Variants in KIAA0825 observed in about 807,000 individuals in gnomAD.
KIAA0825 encodes the protein KIAA0825, also known as uncharacterized protein KIAA0825.
In KIAA0825, 119 loss-of-function variants were observed where a neutral mutation model predicts 147.6. The observed-to-expected ratio is 0.81, with a 90% CI of 0.69 to 0.94. KIAA0825 has a LOEUF of 0.94. Among genes scored for constraint, KIAA0825 ranks in the 40% least tolerant of loss-of-function variants. The pLI is 0.00. For synonymous variants in KIAA0825, 470 were observed against 518.1 expected, an observed-to-expected ratio of 0.91 and a Z score of 1.26; for missense variants, 1,381 against 1,472.7, an observed-to-expected ratio of 0.94 and a Z score of 1.02.
chr5:94,244,179 C>T (rs544416178), intron 20 of KIAA0825, among the ~76,000 whole-genome samples: 51 of 152,248 alleles, frequency 3.3e-4, no homozygotes, highest in African/African-American at 1.1e-3. Flanking sequence ...GTTTGTGCAC[C>T]GGGAAGAATT....
At chr5:94,330,228 A>G (rs1781130574) in intron 20 of KIAA0825, among the ~76,000 whole-genome samples, 1 of 152,194 alleles carries the variant, frequency 6.6e-6, no homozygotes, top group Non-Finnish European at 1.5e-5. Context: ...ATATTAACCA[A>G]CATGACCTAA....
chr5:94,234,105 G>A (rs904688478), intron 20 of KIAA0825, among the ~76,000 whole-genome samples: 1 of 152,080 alleles, frequency 6.6e-6, no homozygotes, highest in Admixed American at 6.5e-5. Flanking sequence ...GGTGGCTCAC[G>A]CCTGTAATCC....
intron 1 of KIAA0825, among the ~76,000 whole-genome samples, chr5:94,606,537 G>C (rs907335939): frequency 1.3e-5 from 2 of 152,108 alleles, no homozygotes; most frequent in African/African-American, 4.8e-5. Flanking sequence ...AAAACAACTT[G>C]GTATTGGTAC....
intron 5 of KIAA0825, among the ~76,000 whole-genome samples, chr5:94,506,433 G>T (rs73145044): frequency 0.11 from 16,152 of 152,144 alleles, 2,865 homozygotes; most frequent in African/African-American, 0.37. Context: ...ATATGTAACA[G>T]GAGATGACAA....
chr5:94,515,270 G>A (rs909981015), intron 5 of KIAA0825, among the ~76,000 whole-genome samples: 1 of 152,170 alleles, frequency 6.6e-6, no homozygotes. Context: ...TATAAATATA[G>A]TAAAATGTTA....
chr5:94,483,306 G>A (rs1388909918), intron 6 of KIAA0825, among the ~76,000 whole-genome samples: 3 of 151,980 alleles, frequency 2.0e-5, no homozygotes, highest in African/African-American at 7.2e-5. Context: ...ATGGGTAGAA[G>A]CCTAGATGTT....
intron 20 of KIAA0825, among the ~76,000 whole-genome samples, chr5:94,201,058 T>C (rs1771635225): frequency 1.3e-5 from 2 of 148,256 alleles, no homozygotes; most frequent in Non-Finnish European, 3.0e-5. Flanking sequence ...TGTAGCAGTA[T>C]CTGCATAAAA....
intron 20 of KIAA0825, among the ~76,000 whole-genome samples, chr5:94,180,518 G>A (rs1769516602): frequency 6.6e-6 from 1 of 152,062 alleles, no homozygotes; most frequent in African/African-American, 2.4e-5. Context: ...TAATTTCTTA[G>A]TTTTGATAAA....
At chr5:94,369,867 CAAG>C (rs1423536910) in intron 20 of KIAA0825, among the ~76,000 whole-genome samples, 2 of 152,020 alleles carry the variant, frequency 1.3e-5, no homozygotes, top group Admixed American at 1.3e-4. Flanking sequence ...GCATAAAACA[CAAG>C]AAGCCATAGT....
Position 94,524,078 on chromosome 5 carries a change from T to C in KIAA0825, c.152A>G (p.Glu51Gly). Reference sequence around the variant, plus strand: ...TTGTTTGTTAATTTCGGACTGTATCTCTTTAATGCAATGTTTTATGCTATA... The same window carrying C: ...TTGTTTGTTAATTTCGGACTGTATCCCTTTAATGCAATGTTTTATGCTATA... The part of the protein sequence containing the change: ...NAASIKHCIK[E>G]IQSEINKQCP... Residue 51 changes from glutamate (E) to glycine (G), a missense_variant, in exon 4 of 21, where the codon GAG becomes GGG. Coordinates refer to ENST00000682413, the MANE Select transcript of KIAA0825 (RefSeq NM_001145678.3). 2 of 1,607,380 alleles carry C rather than the reference T, an allele frequency of 1.2e-6. No homozygotes were observed. Among genetic ancestry groups the C allele is most frequent in the Non-Finnish European group, 1.7e-6 (2 of 1,176,124 alleles).
In KIAA0825 at chr5:94,523,930, C is replaced by T; in HGVS notation, c.300G>A (p.Leu100=). The change falls in exon 4 of 21, where the codon CTG becomes CTA. Residue 100 remains leucine, a splice_region_variant and synonymous_variant. Coordinates refer to ENST00000682413, the MANE Select transcript of KIAA0825 (RefSeq NM_001145678.3). ...HGDLIKFFKT[L]QDLLKNEQNQ... ...ATGATAAAATAAAAATTCATTTTAC[C>T]AGTGTTTTGAAAAATTTTATCAAGT... 3 of 1,578,396 alleles carry T rather than the reference C, an allele frequency of 1.9e-6. No individual in the cohort carries two copies. The highest frequency in any genetic ancestry group is 1.7e-6 in the Non-Finnish European group (2 of 1,155,996).
chr5:94,383,806 T>G (rs1249772081), intron 20 of KIAA0825, among the ~76,000 whole-genome samples: 2 of 151,818 alleles, frequency 1.3e-5, no homozygotes, highest in Non-Finnish European at 2.9e-5. Flanking sequence ...TGTGTGTGTG[T>G]GTGTGTGTGT....
chr5:94,367,493 G>C (rs998196090), intron 20 of KIAA0825, among the ~76,000 whole-genome samples: 1 of 151,322 alleles, frequency 6.6e-6, no homozygotes, highest in African/African-American at 2.4e-5. Context: ...AGCGACACTC[G>C]ATCTCAAAAA....
rs1434097551 is a variant in KIAA0825, at chr5:94,376,455, A to G, written c.3710+7913T>C. ...TTAGTGTGAAAGTGCTTTATACACC[A>G]TAAAGGACAACAGACATACAAGCTA... On this transcript the variant is annotated intron_variant, in intron 20 of 20. Transcript: ENST00000682413. 4.4e-4 allele frequency among the ~76,000 whole-genome samples: 67 copies of G among 152,192 alleles called. 1 individual carries two copies. The highest frequency in any genetic ancestry group is 4.4e-3 in the Admixed American group (67 of 15,286).
At chr5:94,296,969 A>T (rs1226770283) in intron 20 of KIAA0825, among the ~76,000 whole-genome samples, 12 of 152,092 alleles carry the variant, frequency 7.9e-5, no homozygotes, top group African/African-American at 1.9e-4. Context: ...CTCCTTAAAA[A>T]TTTTTTATTG....
At chr5:94,352,752 G>T (rs1207993905) in intron 20 of KIAA0825, among the ~76,000 whole-genome samples, 1 of 152,172 alleles carries the variant, frequency 6.6e-6, no homozygotes, top group African/African-American at 2.4e-5. Flanking sequence ...GCCATAAAAA[G>T]GAATGAATTA....
chr5:94,478,508 G>A (rs1257338209), intron 6 of KIAA0825, among the ~76,000 whole-genome samples: 1 of 150,406 alleles, frequency 6.6e-6, no homozygotes, highest in South Asian at 2.1e-4. Context: ...AGGCCCTCTT[G>A]TAAATCTCAT....
At chr5:94,527,175 T>C (rs1310486739) in intron 3 of KIAA0825, among the ~76,000 whole-genome samples, 1 of 152,066 alleles carries the variant, frequency 6.6e-6, no homozygotes, top group Non-Finnish European at 1.5e-5. Flanking sequence ...TGTATGTGTG[T>C]ATGTATATAT....
At chr5:94,185,389 G>T (rs2149987326) in intron 20 of KIAA0825, among the ~76,000 whole-genome samples, 1 of 152,284 alleles carries the variant, frequency 6.6e-6, no homozygotes, top group Middle Eastern at 3.4e-3. Context: ...ATGGTGTATG[G>T]TTGAGAGGTA....
Sources: allele counts gnomAD v4.1 joint callset (sites outside exome capture counted in the v4.1 genomes callset), GRCh38; gene constraint gnomAD v4.1.1; transcripts MANE v1.5; gene names NCBI Gene and HGNC (gene_info 2026-07-23, HGNC 2026-07-21).